Variants in MGA observed in about 807,000 individuals in gnomAD.
The protein encoded by MGA is MAX dimerization protein MGA, also known as MAX gene-associated protein.
A neutral mutation model predicts 261.1 loss-of-function variants in MGA; 40 were observed. That is an observed-to-expected ratio of 0.15 (90% CI 0.12 to 0.20). The LOEUF (loss-of-function observed/expected upper bound fraction) is 0.20, where lower values mean the gene tolerates loss of function less well. Among genes scored for constraint, MGA ranks in the 10% least tolerant of loss-of-function variants. The probability of loss-of-function intolerance (pLI) is 1.00; values close to 1 mark genes in which losing one functional copy is unlikely to be tolerated. For synonymous variants in MGA, 1,302 were observed against 1,290.6 expected (o/e 1.01, Z -0.19); for missense variants, 3,397 against 3,630.5 (o/e 0.94, Z 1.65).
chr15:41,757,354 A>G (rs1190963707), intron 18 of MGA, among the ~76,000 whole-genome samples: 3 of 152,224 alleles, frequency 2.0e-5, no homozygotes, highest in African/African-American at 7.2e-5. Flanking sequence ...ACAATACAGT[A>G]TAACAACTGT....
chr15:41,722,208 C>T (rs1232696655), intron 9 of MGA, among the ~76,000 whole-genome samples: 1 of 140,362 alleles, frequency 7.1e-6, no homozygotes, highest in Non-Finnish European at 1.5e-5. Context: ...CGGCTCACTG[C>T]AAACTCCGCC....
rs35165330 is a variant in MGA, at chr15:41,643,204, CT to C, written c.-68+21920del. 1.7e-3 allele frequency among the ~76,000 whole-genome samples: 222 copies of C among 133,336 alleles called. 4 individuals are homozygous for C. The highest frequency in any genetic ancestry group is 4.1e-3 in the African/African-American group (149 of 36,556). 87.5% of individuals were successfully genotyped at this position (133,336 alleles called of 152,430 possible). On this transcript the variant is annotated intron_variant, in intron 1 of 8. Transcript: ENST00000566718. Reference sequence around the variant, plus strand: ...CAGGTGTGAGCCATGGTGCCTGGCTCTTTTTTTTTTTTTTAATTTATTTTAT... The same window carrying C: ...CAGGTGTGAGCCATGGTGCCTGGCTCTTTTTTTTTTTTTAATTTATTTTAT...
intron 23 of MGA, among the ~76,000 whole-genome samples, chr15:41,765,373 A>G (rs2063746816): frequency 6.6e-6 from 1 of 152,180 alleles, no homozygotes; most frequent in African/African-American, 2.4e-5. Flanking sequence ...GTTGATAAAT[A>G]TTTGTCACTT....
At chr15:41,736,797 G>A (rs2061801992) in intron 13 of MGA, 99 bp downstream of exon 13, 1 of 1,308,150 alleles carries the variant, frequency 7.6e-7, no homozygotes, top group Non-Finnish European at 1.0e-6. Context: ...CCTTTATCTT[G>A]ACATTTCCTG....
At chr15:41,707,938 C>T (rs2060201195) in intron 6 of MGA, 79 bp downstream of exon 6, 2 of 1,513,440 alleles carry the variant, frequency 1.3e-6, no homozygotes, top group Non-Finnish European at 1.8e-6. Context: ...AAAAAGCTAC[C>T]TTTATTGGTG....
intron 18 of MGA, among the ~76,000 whole-genome samples, chr15:41,755,786 A>T (rs2063116603): frequency 6.6e-6 from 1 of 152,238 alleles, no homozygotes; most frequent in South Asian, 2.1e-4. Flanking sequence ...TGGGAGGCCG[A>T]GGTGGGTGGA....
chr15:41,676,259 T>A (rs1036688850), intron 2 of MGA, among the ~76,000 whole-genome samples: 1 of 152,186 alleles, frequency 6.6e-6, no homozygotes, highest in African/African-American at 2.4e-5. Flanking sequence ...CTTGGCTCAC[T>A]GCAACCTCCA....
intron 1 of MGA, among the ~76,000 whole-genome samples, chr15:41,631,054 C>T (rs1226990446): frequency 6.6e-6 from 1 of 152,136 alleles, no homozygotes; most frequent in Non-Finnish European, 1.5e-5. Context: ...ATTCTTTGCA[C>T]ATGAGGCCTT....
In MGA at chr15:41,707,836, C is replaced by G; in HGVS notation, c.2297C>G (p.Thr766Arg). 6.2e-7 allele frequency: 1 copy of G among 1,613,782 alleles called. No homozygotes were observed. The highest frequency in any genetic ancestry group is 1.3e-5 in the African/African-American group (1 of 75,014). Residue 766 changes from threonine (T) to arginine (R), a missense_variant, in exon 6 of 24, where the codon ACA becomes AGA. Around this residue, in one of 9 missense-constraint regions of MGA, gnomAD observed 519 missense variants for 554.1 expected, o/e 0.94. Coordinates refer to ENST00000219905, the MANE Select transcript of MGA (RefSeq NM_001164273.2). Reference sequence around the variant, plus strand: ...ACTAGCTTTCCTTTTTGGAACCTTACAGGAACCAACCCTGCCTCTCCTGGT... The same window carrying G: ...ACTAGCTTTCCTTTTTGGAACCTTAGAGGAACCAACCCTGCCTCTCCTGGT...
chr15:41,670,649 G>A (rs1318496557), intron 2 of MGA, among the ~76,000 whole-genome samples: 1 of 152,096 alleles, frequency 6.6e-6, no homozygotes, highest in Non-Finnish European at 1.5e-5. Flanking sequence ...GGGACTACAG[G>A]CGCCCGTCAC....
chr15:41,687,898 A>G (rs2059052285), intron 2 of MGA, among the ~76,000 whole-genome samples: 1 of 151,968 alleles, frequency 6.6e-6, no homozygotes, highest in Non-Finnish European at 1.5e-5. Flanking sequence ...ACTGAGAAAG[A>G]TGGGTTAAAA....
chr15:41,685,264 T>TA (rs1367189466), intron 2 of MGA, among the ~76,000 whole-genome samples: 9 of 152,242 alleles, frequency 5.9e-5, no homozygotes, highest in African/African-American at 2.2e-4. Context: ...ATCAGCTGAC[T>TA]ATATGCGCAC....
At position 41,669,069 on chromosome 15, in the gene MGA, A is replaced by C; in HGVS notation, c.175A>C (p.Lys59Gln). The C allele has an allele frequency of 6.2e-7, 1 of 1,610,692 alleles. No individual in the cohort carries two copies. The highest frequency in any genetic ancestry group is 1.3e-5 in the African/African-American group (1 of 74,964). ...GGCTAGTAGTGTGTCATCACCAGTA[A>C]AATCTAAAGGGAAGATTTGCCTTCC... is the stretch of plus-strand genomic sequence containing the variant. Residue 59 changes from lysine to glutamine, a missense_variant, in exon 2 of 24, where the codon AAA (lysine) becomes CAA (glutamine). This residue lies in a region of MGA where 81 missense variants were observed against 84.3 expected (regional missense o/e 0.96). Coordinates refer to ENST00000219905, the MANE Select transcript of MGA (RefSeq NM_001164273.2).
At chr15:41,624,002 G>A (rs1475240311) in intron 1 of MGA, among the ~76,000 whole-genome samples, 1 of 151,562 alleles carries the variant, frequency 6.6e-6, no homozygotes, top group East Asian at 1.9e-4. Flanking sequence ...CTGACCTCAG[G>A]TGATCCTCCA....
rs765584644 is a variant in MGA at position 41,748,854 on chromosome 15, G to A, written c.5430G>A (p.Gln1810=). 6.2e-7 allele frequency: 1 copy of A among 1,613,980 alleles called. No homozygotes were observed. Among genetic ancestry groups the A allele is most frequent in the Non-Finnish European group, 8.5e-7 (1 of 1,179,870 alleles). Residue 1810 remains glutamine, a synonymous_variant, in exon 16 of 24, where the codon CAG becomes CAA. Transcript: ENST00000219905. ...GGCACCCTAATGGGCAGATTGTCCA[G>A]CTTCTACCTTTGCATCAGCTTCGAG...
chr15:41,701,117 T>A (rs1426202864), intron 5 of MGA, among the ~76,000 whole-genome samples: 3 of 152,214 alleles, frequency 2.0e-5, no homozygotes, highest in Admixed American at 6.5e-5. Context: ...TGCTGTTTAT[T>A]GTCAGCTTTA....
intron 1 of MGA, among the ~76,000 whole-genome samples, chr15:41,626,316 C>A (rs1179222831): frequency 2.0e-5 from 3 of 146,534 alleles, no homozygotes; most frequent in East Asian, 2.0e-4. Flanking sequence ...AGTGGTCTTT[C>A]CATGTTGCAC....
At chr15:41,719,906 TAATG>T (rs954088201) in intron 9 of MGA, among the ~76,000 whole-genome samples, 13 of 152,274 alleles carry the variant, frequency 8.5e-5, no homozygotes, top group African/African-American at 1.4e-4. Context: ...ATTATGATAT[TAATG>T]AATTAATGAA....
intron 1 of MGA, among the ~76,000 whole-genome samples, chr15:41,642,311 GTTT>G (rs766480352): frequency 7.3e-6 from 1 of 136,062 alleles, no homozygotes. Context: ...AATTTGTGGT[GTTT>G]TTTTTTTTTT....
Sources: allele counts gnomAD v4.1 joint callset (sites outside exome capture counted in the v4.1 genomes callset), GRCh38; gene constraint gnomAD v4.1.1; regional missense constraint gnomAD v4.1.1; transcripts MANE v1.5; gene names NCBI Gene and HGNC (gene_info 2026-07-23, HGNC 2026-07-21).